The following CRIM1 variants were observed in gnomAD, a reference collection of about 807,000 sequenced individuals.
CRIM1 encodes the protein cysteine-rich motor neuron 1 protein.
A neutral mutation model predicts 116.4 loss-of-function variants in CRIM1; 32 were observed. The ratio of observed to expected loss-of-function variants is 0.27; its 90% CI spans 0.21 to 0.37. CRIM1 has a LOEUF of 0.37. Among genes scored for constraint, CRIM1 ranks in the 10% least tolerant of loss-of-function variants. CRIM1 has a pLI of 1.00. For synonymous variants in CRIM1, 590 were observed against 509.2 expected (o/e 1.16, Z -2.13); for missense variants, 1,331 against 1,354.8 (o/e 0.98, Z 0.28).
At chr2:36,456,113 T>C (rs1572773058) in intron 4 of CRIM1, among the ~76,000 whole-genome samples, 1 of 152,236 alleles carries the variant, frequency 6.6e-6, no homozygotes. Flanking sequence ...AGTAGAAGGT[T>C]AGTCCAGACA....
Position 36,510,008 on chromosome 2 carries a change from A to G in CRIM1, c.1527A>G (p.Lys509=). ...CCGAGGAACTATGTTCAGAACGTAAACAAGGCTGCACCTTGAACTGTCCCT... is the reference window on the plus strand; with the variant it reads ...CCGAGGAACTATGTTCAGAACGTAAGCAAGGCTGCACCTTGAACTGTCCCT... ...INTEELCSER[K]QGCTLNCPFG... is the part of the protein sequence containing the mutation. Residue 509 remains lysine (K), a synonymous_variant, in exon 9 of 17, where the codon AAA becomes AAG. Coordinates refer to ENST00000280527, the MANE Select transcript of CRIM1 (RefSeq NM_016441.3). 1 of 1,613,986 alleles carries G rather than the reference A, an allele frequency of 6.2e-7. No individual in the cohort carries two copies. Among genetic ancestry groups the G allele is most frequent in the Non-Finnish European group, 8.5e-7 (1 of 1,179,964 alleles).
At chr2:36,460,488 A>G (rs1677493460) in intron 4 of CRIM1, among the ~76,000 whole-genome samples, 1 of 152,228 alleles carries the variant, frequency 6.6e-6, no homozygotes, top group Non-Finnish European at 1.5e-5. Flanking sequence ...TGTGAGTATA[A>G]AACCACTGAA....
chr2:36,510,849 T>C (rs1572897831), intron 9 of CRIM1, among the ~76,000 whole-genome samples: 1 of 152,198 alleles, frequency 6.6e-6, no homozygotes, highest in South Asian at 2.1e-4. Flanking sequence ...TTTATATTTT[T>C]CCCTTTGCTG....
intron 2 of CRIM1, among the ~76,000 whole-genome samples, chr2:36,399,294 T>A (rs545356364): frequency 6.6e-6 from 1 of 152,100 alleles, no homozygotes; most frequent in African/African-American, 2.4e-5. Flanking sequence ...CAGACTTTGG[T>A]TGTGGTGGAA....
At chr2:36,464,959 C>G (rs964957446) in intron 5 of CRIM1, among the ~76,000 whole-genome samples, 1 of 152,132 alleles carries the variant, frequency 6.6e-6, no homozygotes, top group African/African-American at 2.4e-5. Flanking sequence ...GATCCTGGAG[C>G]CTGTGAGAGT....
chr2:36,511,859 G>GGGAA (rs1211936506), intron 9 of CRIM1, among the ~76,000 whole-genome samples: 1 of 149,614 alleles, frequency 6.7e-6, no homozygotes, highest in Non-Finnish European at 1.5e-5. Context: ...GAGGGAGGGA[G>GGGAA]GGAGGGACGG....
intron 7 of CRIM1, among the ~76,000 whole-genome samples, chr2:36,498,935 G>T (rs1010234331): frequency 6.6e-6 from 1 of 152,238 alleles, no homozygotes; most frequent in Non-Finnish European, 1.5e-5. Flanking sequence ...TCTCTCGTCT[G>T]CTTCCAGTAG....
chr2:36,371,206 T>G (rs1350683563), intron 1 of CRIM1, among the ~76,000 whole-genome samples: 1 of 152,194 alleles, frequency 6.6e-6, no homozygotes, highest in Non-Finnish European at 1.5e-5. Context: ...TTATGCTCTT[T>G]CCTTTGTGAA....
intron 2 of CRIM1, among the ~76,000 whole-genome samples, chr2:36,406,638 A>AC (rs1672826225): frequency 7.7e-6 from 1 of 129,328 alleles, no homozygotes; most frequent in South Asian, 2.6e-4. Flanking sequence ...CCCCCCAAAA[A>AC]AAAACAAAAA....
At chr2:36,509,160 A>T (rs537455700) in intron 8 of CRIM1, among the ~76,000 whole-genome samples, 2 of 152,318 alleles carry the variant, frequency 1.3e-5, no homozygotes, top group Non-Finnish European at 2.9e-5. Context: ...GCTGCATACA[A>T]TATGCAGTAT....
intron 4 of CRIM1, among the ~76,000 whole-genome samples, chr2:36,452,598 A>G (rs1279027047): frequency 2.0e-5 from 3 of 152,224 alleles, no homozygotes; most frequent in Non-Finnish European, 2.9e-5. Context: ...CCCATTGGAA[A>G]TGAACTGTCT....
intron 7 of CRIM1, among the ~76,000 whole-genome samples, chr2:36,488,950 G>A (rs919908727): frequency 3.9e-5 from 6 of 152,164 alleles, no homozygotes; most frequent in African/African-American, 9.6e-5. Flanking sequence ...GCAAGCCACC[G>A]CTCGACCAGC....
At chr2:36,461,183 C>A (rs1053744261) in intron 4 of CRIM1, among the ~76,000 whole-genome samples, 1 of 152,070 alleles carries the variant, frequency 6.6e-6, no homozygotes, top group Non-Finnish European at 1.5e-5. Flanking sequence ...TTGGGAGAGA[C>A]AGAGACGTGG....
At chr2:36,412,629 C>G (rs1294536364) in intron 2 of CRIM1, among the ~76,000 whole-genome samples, 2 of 152,078 alleles carry the variant, frequency 1.3e-5, no homozygotes, top group African/African-American at 2.4e-5. Context: ...TGACTCATAT[C>G]AAAGTTTTTA....
intron 6 of CRIM1, among the ~76,000 whole-genome samples, chr2:36,479,236 A>T (rs1204926202): frequency 6.6e-6 from 1 of 152,216 alleles, no homozygotes; most frequent in Non-Finnish European, 1.5e-5. Flanking sequence ...TTACAGAGTG[A>T]TAACACCTGC....
intron 5 of CRIM1, among the ~76,000 whole-genome samples, chr2:36,476,267 G>C (rs761251957): frequency 5.3e-5 from 8 of 152,074 alleles, no homozygotes; most frequent in Non-Finnish European, 1.2e-4. Flanking sequence ...GTGTGACTTT[G>C]AGTAAACTAC....
At chr2:36,364,002 G>T (rs552386317) in intron 1 of CRIM1, among the ~76,000 whole-genome samples, 1 of 152,212 alleles carries the variant, frequency 6.6e-6, no homozygotes, top group African/African-American at 2.4e-5. Flanking sequence ...ATCGCCTATG[G>T]GTCTTGTCTC....
In CRIM1 at chr2:36,434,841, A is replaced by G. The variant is rs145829976; in HGVS notation, c.506-6417A>G. ...CCTTTCTTCTTGCTTTAGAGCCATC[A>G]TTTTTGCCATTCCCTTTGTCTGGAA... is the stretch of plus-strand genomic sequence containing the variant. On this transcript the variant is annotated intron_variant, in intron 2 of 16. Transcript: ENST00000280527. Among the ~76,000 whole-genome samples, 533 of 152,004 alleles carry G rather than the reference A, an allele frequency of 3.5e-3. 2 individuals carry two copies. Among genetic ancestry groups the G allele is most frequent in the Non-Finnish European group, 5.6e-3 (384 of 67,978 alleles).
chr2:36,540,869 C>T (rs1314949379), intron 14 of CRIM1, among the ~76,000 whole-genome samples: 1 of 152,134 alleles, frequency 6.6e-6, no homozygotes, highest in Non-Finnish European at 1.5e-5. Flanking sequence ...ATTCATTCTC[C>T]TTGGTTTGTG....
Sources: gnomAD v4.1 joint callset for allele counts (sites outside exome capture counted in the v4.1 genomes callset) on GRCh38, gnomAD v4.1.1 for gene constraint, MANE v1.5 for transcripts, NCBI Gene and HGNC (gene_info 2026-07-23, HGNC 2026-07-21) for gene names.